The following SCFD2 variants were observed in gnomAD, a reference collection of about 807,000 sequenced individuals.
SCFD2 encodes the protein sec1 family domain containing 2.
In SCFD2, 54 loss-of-function variants were observed where a neutral mutation model predicts 58.9. The observed-to-expected ratio is 0.92, with a 90% CI of 0.74 to 1.15. The LOEUF is 1.15. SCFD2 is among the 50% of genes most tolerant of loss of function. SCFD2 has a pLI of 0.00. For synonymous variants in SCFD2, 321 were observed against 335.9 expected (o/e 0.96, Z 0.49); for missense variants, 805 against 836.6 (o/e 0.96, Z 0.47).
intron 5 of SCFD2, among the ~76,000 whole-genome samples, chr4:52,930,450 G>T (rs1478098950): frequency 6.6e-6 from 1 of 152,078 alleles, no homozygotes; most frequent in Non-Finnish European, 1.5e-5. Flanking sequence ...ATAGGCATGG[G>T]CAAAGATTTC....
intron 5 of SCFD2, among the ~76,000 whole-genome samples, chr4:53,074,851 T>C (rs1246947803): frequency 2.0e-5 from 3 of 152,184 alleles, no homozygotes; most frequent in Admixed American, 1.3e-4. Flanking sequence ...AGATTTAGCA[T>C]AATTGTTAAG....
intron 4 of SCFD2, among the ~76,000 whole-genome samples, chr4:53,178,545 G>C (rs1240479040): frequency 6.6e-6 from 1 of 152,010 alleles, no homozygotes; most frequent in African/African-American, 2.4e-5. Flanking sequence ...CACAAAGATG[G>C]GAAAAAAACA....
chr4:53,009,966 C>G (rs1577657270), intron 5 of SCFD2, among the ~76,000 whole-genome samples: 1 of 152,184 alleles, frequency 6.6e-6, no homozygotes, highest in South Asian at 2.1e-4. Context: ...TCTGTGCTCA[C>G]TATACTTTCT....
intron 5 of SCFD2, among the ~76,000 whole-genome samples, chr4:53,078,787 T>A (rs1216138955): frequency 1.3e-5 from 2 of 152,142 alleles, no homozygotes; most frequent in Admixed American, 1.3e-4. Context: ...CAATGCTGTA[T>A]TTACTAATAT....
At chr4:53,089,016 T>C (rs1047852827) in intron 5 of SCFD2, among the ~76,000 whole-genome samples, 18 of 152,202 alleles carry the variant, frequency 1.2e-4, no homozygotes, top group African/African-American at 4.1e-4. Flanking sequence ...ACTTCTTCTA[T>C]CATGTGAGAA....
At chr4:53,099,106 G>T (rs1232737626) in intron 5 of SCFD2, among the ~76,000 whole-genome samples, 1 of 152,132 alleles carries the variant, frequency 6.6e-6, no homozygotes, top group Non-Finnish European at 1.5e-5. Context: ...AAAACTGTTT[G>T]TTAAGTGAAT....
chr4:53,190,935 G>T (rs1303624015), intron 4 of SCFD2, among the ~76,000 whole-genome samples: 1 of 152,062 alleles, frequency 6.6e-6, no homozygotes, highest in Non-Finnish European at 1.5e-5. Flanking sequence ...TTATATTACA[G>T]AAGTTAAGAC....
chr4:52,958,398 C>T (rs1250900427), intron 5 of SCFD2, among the ~76,000 whole-genome samples: 3 of 152,192 alleles, frequency 2.0e-5, no homozygotes, highest in African/African-American at 7.2e-5. Flanking sequence ...AAATCAGGTA[C>T]TTTCCTCACT....
In SCFD2 at chr4:52,920,778, T is replaced by C. The variant is rs753383771; in HGVS notation, c.1654A>G (p.Ser552Gly). ...TSLRDIAGARSLLKQFKSVYV... is the reference protein window; with the variant it reads ...TSLRDIAGARGLLKQFKSVYV... ...ACAGACTTAAACTGTTTCAGGAGAC[T>C]CCGAGCTCCAGCAATATCCCGAAGT... Residue 552 changes from serine (S) to glycine (G), a missense_variant, in exon 6 of 9, where the codon AGT becomes GGT. Ser to Gly is a moderately conservative substitution (Grantham distance 56). This residue lies in a region of SCFD2 where 633 missense variants were observed against 646.8 expected (regional missense o/e 0.98). Transcript: ENST00000401642. 1.4e-5 allele frequency: 23 copies of C among 1,611,486 alleles called. No homozygotes were observed. The East Asian group carries it at 4.9e-4, about 34-fold the overall frequency.
At chr4:53,052,858 A>T (rs1723221389) in intron 5 of SCFD2, among the ~76,000 whole-genome samples, 1 of 152,188 alleles carries the variant, frequency 6.6e-6, no homozygotes, top group Admixed American at 6.5e-5. Flanking sequence ...CTGACAGACA[A>T]AATGTGGAAT....
intron 4 of SCFD2, among the ~76,000 whole-genome samples, chr4:53,216,283 T>C (rs1403273227): frequency 6.6e-6 from 1 of 152,218 alleles, no homozygotes; most frequent in African/African-American, 2.4e-5. Flanking sequence ...CTCTGGACTT[T>C]TTTTGGTTCA....
intron 4 of SCFD2, among the ~76,000 whole-genome samples, chr4:53,160,862 C>A (rs916911209): frequency 1.3e-5 from 2 of 152,136 alleles, no homozygotes; most frequent in African/African-American, 4.8e-5. Context: ...GCATACAATT[C>A]TGATAGTGAG....
intron 2 of SCFD2, among the ~76,000 whole-genome samples, chr4:53,317,299 A>C (rs1288729278): frequency 3.9e-4 from 60 of 152,290 alleles, no homozygotes; most frequent in Non-Finnish European, 8.8e-5. Flanking sequence ...GGTCAAAGTC[A>C]TACTTACTGG....
At chr4:53,175,525 GA>G (rs1727302694) in intron 4 of SCFD2, among the ~76,000 whole-genome samples, 1 of 152,044 alleles carries the variant, frequency 6.6e-6, no homozygotes, top group South Asian at 2.1e-4. Context: ...GTTCCTAATT[GA>G]AAATTGAAAC....
intron 5 of SCFD2, among the ~76,000 whole-genome samples, chr4:53,092,721 C>T (rs999165842): frequency 6.6e-6 from 1 of 152,014 alleles, no homozygotes; most frequent in African/African-American, 2.4e-5. Flanking sequence ...CAAAAGGCCA[C>T]TTAATGTATG....
chr4:53,350,816 T>C (rs1734195944), intron 2 of SCFD2, among the ~76,000 whole-genome samples: 1 of 152,152 alleles, frequency 6.6e-6, no homozygotes, highest in South Asian at 2.1e-4. Context: ...TTCAAGATAC[T>C]CTCGTGCCTC....
chr4:53,001,859 T>C (rs1721872089), intron 5 of SCFD2, among the ~76,000 whole-genome samples: 1 of 152,218 alleles, frequency 6.6e-6, no homozygotes, highest in African/African-American at 2.4e-5. Context: ...TTATGCCATT[T>C]TACAGATGAG....
intron 5 of SCFD2, among the ~76,000 whole-genome samples, chr4:53,048,911 C>T (rs1426922611): frequency 6.6e-6 from 1 of 152,152 alleles, no homozygotes; most frequent in Non-Finnish European, 1.5e-5. Context: ...CACACCACTA[C>T]ACTCCAGCCT....
intron 4 of SCFD2, among the ~76,000 whole-genome samples, chr4:53,241,735 A>C (rs1311691853): frequency 6.6e-6 from 1 of 152,200 alleles, no homozygotes; most frequent in Non-Finnish European, 1.5e-5. Flanking sequence ...CACTGCTGCC[A>C]GTGAGAGTTC....
Sources: allele counts gnomAD v4.1 joint callset (sites outside exome capture counted in the v4.1 genomes callset), GRCh38; gene constraint gnomAD v4.1.1; regional missense constraint gnomAD v4.1.1; transcripts MANE v1.5; gene names NCBI Gene and HGNC (gene_info 2026-07-23, HGNC 2026-07-21).